The following STK32B variants were observed in gnomAD, a reference collection of about 807,000 sequenced individuals.
STK32B encodes serine/threonine-protein kinase 32B.
A neutral mutation model predicts 52.6 loss-of-function variants in STK32B; 43 were observed. That is an observed-to-expected ratio of 0.82 (90% CI 0.64 to 1.05). The LOEUF (loss-of-function observed/expected upper bound fraction) is 1.05, where lower values mean the gene tolerates loss of function less well. Among genes scored for constraint, STK32B ranks in the 50% least tolerant of loss-of-function variants. The pLI is 0.00. For synonymous variants in STK32B, 238 were observed against 204.3 expected (o/e 1.17, Z -1.41); for missense variants, 621 against 534.6 (o/e 1.16, Z -1.59).
intron 5 of STK32B, among the ~76,000 whole-genome samples, chr4:5,405,017 C>T (rs1353239668): frequency 6.6e-6 from 1 of 151,606 alleles, no homozygotes; most frequent in Non-Finnish European, 1.5e-5. Flanking sequence ...CAGGCGCCCA[C>T]CACCACACCT....
chr4:5,272,579 G>C (rs186249695), intron 3 of STK32B, among the ~76,000 whole-genome samples: 1 of 152,182 alleles, frequency 6.6e-6, no homozygotes, highest in Admixed American at 6.5e-5. Flanking sequence ...CAGAAGGAAT[G>C]GTACCAGTTC....
chr4:5,344,095 A>G (rs906496671), intron 4 of STK32B, among the ~76,000 whole-genome samples: 7 of 152,188 alleles, frequency 4.6e-5, no homozygotes, highest in African/African-American at 1.7e-4. Context: ...TGATTCGAAG[A>G]GAACTCATGC....
intron 3 of STK32B, among the ~76,000 whole-genome samples, chr4:5,313,317 C>CATACATATTATA (rs1730438873): frequency 6.6e-6 from 1 of 151,958 alleles, no homozygotes; most frequent in African/African-American, 2.4e-5. Flanking sequence ...GAGAGAGCAT[C>CATACATATTATA]TCTGCATCTA....
chr4:5,045,442 C>G, the STK32B span, among the ~76,000 whole-genome samples: 2 of 152,222 alleles, frequency 1.3e-5, no homozygotes, highest in East Asian at 1.9e-4. Context: ...CCTGACCACT[C>G]TGCTTAAAAG....
Position 5,500,669 on chromosome 4 carries a change from A to AAAAAG in STK32B, c.*1590_*1594dup, listed in dbSNP as rs1224760764. 80 of 152,296 alleles carry AAAAAG rather than the reference A, an allele frequency of 5.3e-4. No individual in the cohort carries two copies. Among genetic ancestry groups the AAAAAG allele is most frequent in the African/African-American group, 1.9e-3 (78 of 41,550 alleles). The allele number at this position is 152,296 out of a possible 1,614,324, so 9.4% of individuals were successfully genotyped here. A position where few individuals can be genotyped will look rare whatever the true frequency, so the allele number is the denominator to read the frequency against. On this transcript the variant is annotated 3_prime_UTR_variant, in exon 12 of 12. Transcript: ENST00000282908. The stretch of plus-strand genomic sequence containing the variant: ...TTAGGTTTTATATTTTTATTTTTTA[A>AAAAAG]AAAAGAAATAGTCAGTGTTTTCCTC...
chr4:5,406,671 G>A (rs1737699107), intron 5 of STK32B, among the ~76,000 whole-genome samples: 1 of 152,184 alleles, frequency 6.6e-6, no homozygotes, highest in Admixed American at 6.5e-5. Context: ...GCAGTGGCCT[G>A]AGATGTATCT....
intron 11 of STK32B, among the ~76,000 whole-genome samples, chr4:5,497,146 C>T (rs570420573): frequency 7.1e-4 from 108 of 152,232 alleles, no homozygotes; most frequent in African/African-American, 2.2e-3. Flanking sequence ...GTTTTAAGAA[C>T]GCAGACTCTT....
Position 5,396,584 on chromosome 4 carries a change from C to CT in STK32B, c.435-1622dup, listed in dbSNP as rs1329582473. Among the ~76,000 whole-genome samples, 21 of 152,290 alleles carry CT rather than the reference C, an allele frequency of 1.4e-4. No individual in the cohort carries two copies. Among genetic ancestry groups the CT allele is most frequent in the Admixed American group, 1.3e-3 (20 of 15,302 alleles). On this transcript the variant is annotated intron_variant, in intron 4 of 11. Coordinates refer to ENST00000282908, the MANE Select transcript of STK32B (RefSeq NM_018401.3). This position sits in a 1 kb window ranked among gnomAD's most constrained non-coding sequence, Gnocchi z 4.7. ...CCTCACCTGTGTCCTGACTCTAACT[C>CT]TATCTTTAGGCTGTGGCCCTTGTAG...
chr4:5,209,743 A>G (rs1722793675), intron 3 of STK32B, among the ~76,000 whole-genome samples: 2 of 152,202 alleles, frequency 1.3e-5, no homozygotes, highest in African/African-American at 4.8e-5. Flanking sequence ...TATCTCACCT[A>G]ATTATCATAA....
At chr4:5,436,467 A>G (rs543161871) in intron 6 of STK32B, 54 of 371,598 alleles carry the variant, frequency 1.5e-4, no homozygotes, top group African/African-American at 1.1e-3. Context: ...TGATGGGAAG[A>G]TCTTTTAGCA....
At chr4:5,296,328 T>G (rs1282839016) in intron 3 of STK32B, among the ~76,000 whole-genome samples, 1 of 152,210 alleles carries the variant, frequency 6.6e-6, no homozygotes, top group Non-Finnish European at 1.5e-5. Flanking sequence ...GTTAATTTTC[T>G]GTCTCATTGA....
intron 11 of STK32B, among the ~76,000 whole-genome samples, chr4:5,483,720 C>G (rs549296291): frequency 6.6e-6 from 1 of 151,998 alleles, no homozygotes; most frequent in African/African-American, 2.4e-5. Flanking sequence ...CTCTTGTGGA[C>G]ATTTAGTGCT....
chr4:5,289,111 G>GTAC (rs1372080592), intron 3 of STK32B, among the ~76,000 whole-genome samples: 1 of 152,142 alleles, frequency 6.6e-6, no homozygotes, highest in Non-Finnish European at 1.5e-5. Context: ...ATGATATAGG[G>GTAC]TACTACATAC....
chr4:5,078,261 T>G (rs1577053373), intron 1 of STK32B, among the ~76,000 whole-genome samples: 1 of 152,302 alleles, frequency 6.6e-6, no homozygotes, highest in Admixed American at 6.5e-5. Flanking sequence ...CAAAATGTGC[T>G]GGACTTCCAT....
At chr4:5,179,172 G>A (rs1285935679) in intron 3 of STK32B, among the ~76,000 whole-genome samples, 1 of 152,226 alleles carries the variant, frequency 6.6e-6, no homozygotes, top group African/African-American at 2.4e-5. Context: ...CAGGGCAGCA[G>A]GATTGAGTGA....
chr4:5,252,724 A>G (rs1483044742), intron 3 of STK32B, among the ~76,000 whole-genome samples: 2 of 152,196 alleles, frequency 1.3e-5, no homozygotes, highest in Non-Finnish European at 2.9e-5. Flanking sequence ...TCCCAGTAGT[A>G]CCACTTCTAA....
intron 1 of STK32B, among the ~76,000 whole-genome samples, chr4:5,128,344 C>A (rs189865729): frequency 1.3e-5 from 2 of 152,290 alleles, no homozygotes; most frequent in Admixed American, 6.5e-5. Flanking sequence ...TTCGAGGAAT[C>A]GATAGTTTAA....
intron 5 of STK32B, among the ~76,000 whole-genome samples, chr4:5,410,999 T>C (rs2109062869): frequency 6.6e-6 from 1 of 151,556 alleles, no homozygotes; most frequent in African/African-American, 2.4e-5. Flanking sequence ...GCCTGTTTCA[T>C]GAGGTGAATA....
chr4:5,416,963 G>C lies in STK32B; in HGVS notation c.562+29G>C, dbSNP rs201376184. ...AGTGTTCCAGGCCCCTTCTTTTCAT[G>C]TGATCGGGCTCACTGCCTAAGACTC... On this transcript the variant is annotated intron_variant, in intron 6 of 11. Coordinates refer to ENST00000282908, the MANE Select transcript of STK32B (RefSeq NM_018401.3). 6.9e-6 allele frequency: 11 copies of C among 1,588,178 alleles called. No individual in the cohort carries two copies. The African/African-American group carries it at 1.2e-4, about 17-fold the overall frequency.
Sources: allele counts gnomAD v4.1 joint callset (sites outside exome capture counted in the v4.1 genomes callset), GRCh38; gene constraint gnomAD v4.1.1; non-coding constraint Gnocchi (gnomAD v3.1); transcripts MANE v1.5; gene names NCBI Gene and HGNC (gene_info 2026-07-23, HGNC 2026-07-21).